Variants in SSBP3 observed in about 807,000 individuals in gnomAD.
SSBP3 encodes single-stranded DNA-binding protein 3.
A neutral mutation model predicts 69.6 loss-of-function variants in SSBP3; 5 were observed. The ratio of observed to expected loss-of-function variants is 0.07; its 90% confidence interval spans 0.04 to 0.15. The LOEUF is 0.15. Ranked by LOEUF, SSBP3 falls within the 10% of genes least tolerant of loss-of-function variation. The pLI is 1.00. For synonymous variants in SSBP3, 196 were observed against 193.4 expected, an observed-to-expected ratio of 1.01 and a Z score of -0.11; for missense variants, 312 against 534.0, an observed-to-expected ratio of 0.58 and a Z score of 4.10.
At chr1:54,251,958 C>T (rs368814856) in intron 7 of SSBP3, 98 bp from the exon 8 acceptor site, 33 of 1,026,488 alleles carry the variant, frequency 3.2e-5, no homozygotes, top group African/African-American at 3.0e-4. Flanking sequence ...CGTGTGATCA[C>T]GTGGAGCCAC....
At chr1:54,342,481 A>G (rs1204824008) in intron 4 of SSBP3, among the ~76,000 whole-genome samples, 1 of 152,152 alleles carries the variant, frequency 6.6e-6, no homozygotes, top group Non-Finnish European at 1.5e-5. Flanking sequence ...GGCTCTCTGC[A>G]AAGTGGGCCT....
chr1:54,400,638 G>GT (rs1342252256), intron 4 of SSBP3, among the ~76,000 whole-genome samples: 1 of 152,136 alleles, frequency 6.6e-6, no homozygotes, highest in Non-Finnish European at 1.5e-5. Flanking sequence ...TTTCCTCAGC[G>GT]TTACATTCCA....
chr1:54,346,679 G>T (rs1438720968), intron 4 of SSBP3, among the ~76,000 whole-genome samples: 1 of 152,038 alleles, frequency 6.6e-6, no homozygotes, highest in African/African-American at 2.4e-5. Context: ...GCCGGGCATG[G>T]TCGTGGGCAC....
chr1:54,302,803 A>T (rs748597472), intron 4 of SSBP3, among the ~76,000 whole-genome samples: 3 of 152,208 alleles, frequency 2.0e-5, no homozygotes, highest in African/African-American at 7.2e-5. Context: ...CTGCTCATTT[A>T]TGACAGGAGG....
chr1:54,385,891 C>A (rs4141420), intron 4 of SSBP3, among the ~76,000 whole-genome samples: 16,229 of 152,158 alleles, frequency 0.11, 1,018 homozygotes, highest in East Asian at 0.28. Context: ...CAAAAGCTCT[C>A]GTTCTCTGCA....
At chr1:54,271,668 C>G (rs1197229995) in intron 5 of SSBP3, among the ~76,000 whole-genome samples, 2 of 152,228 alleles carry the variant, frequency 1.3e-5, no homozygotes, top group African/African-American at 2.4e-5. Context: ...AGACCTGGCA[C>G]TTCATGAAGG....
At chr1:54,293,380 C>T (rs193228600) in intron 4 of SSBP3, among the ~76,000 whole-genome samples, 3 of 152,300 alleles carry the variant, frequency 2.0e-5, no homozygotes, top group African/African-American at 7.2e-5. Flanking sequence ...CTGACCCAAA[C>T]TCAGCTTCTG....
chr1:54,258,600 T>C lies in SSBP3; in HGVS notation c.367-451A>G, dbSNP rs1644964018. 6.6e-6 allele frequency among the ~76,000 whole-genome samples: 1 copy of C among 151,992 alleles called. No homozygotes were observed. The highest frequency in any genetic ancestry group is 2.4e-5 in the African/African-American group (1 of 41,380). On this transcript the variant is annotated intron_variant, in intron 5 of 17. Coordinates refer to ENST00000610401, the Ensembl canonical transcript of SSBP3. The surrounding 1 kb of genome is among the most constrained non-coding windows in gnomAD (Gnocchi z 4.5). The stretch of plus-strand genomic sequence containing the variant: ...GGGAAGGGCCCTGCCCTCAAGGAGC[T>C]CACAGTCTGGGGGACAGTGACACGG...
intron 4 of SSBP3, among the ~76,000 whole-genome samples, chr1:54,395,648 A>G (rs1194784844): frequency 1.3e-5 from 2 of 152,128 alleles, no homozygotes; most frequent in African/African-American, 2.4e-5. Context: ...TAACCCTCAC[A>G]ACCACTATGC....
Position 54,346,713 on chromosome 1 carries a change from G to A in SSBP3, c.276+55148C>T, listed in dbSNP as rs373756435. Among the ~76,000 whole-genome samples the A allele has an allele frequency of 1.1e-3, 162 of 152,026 alleles. 6 individuals are homozygous for A. The South Asian group carries it at 0.028, about 27-fold the overall frequency. On this transcript the variant is annotated intron_variant, in intron 4 of 17. Coordinates refer to ENST00000610401, the Ensembl canonical transcript of SSBP3. ...ACCTGTAGTCCCAGCTACTTGGGAG[G>A]CTGAGGCAGGAGAATGGCGTGAACC...
intron 4 of SSBP3, among the ~76,000 whole-genome samples, chr1:54,369,306 C>T (rs897681474): frequency 6.5e-4 from 11 of 16,910 alleles, no homozygotes; most frequent in Admixed American, 1.2e-3. Flanking sequence ...ATTGGGGGGA[C>T]GGGGGTGGGG....
chr1:54,406,362 T>TGCCGCCGCCGCCGCC (rs3033693), exon 1 of SSBP3: 2 of 153,720 alleles, frequency 1.3e-5, no homozygotes, highest in African/African-American at 2.5e-5. Context: ...CCAGCACCGC[T>TGCCGCCGCCGCCGCC]GCCGCCGCCG....
chr1:54,240,045 GGGGTGT>G (rs750244154), intron 13 of SSBP3, among the ~76,000 whole-genome samples: 1,936 of 65,430 alleles, frequency 0.03, 42 homozygotes, highest in South Asian at 0.057. Context: ...TAATTGTGAT[GGGGTGT>G]GTGTGTGTGT....
intron 3 of SSBP3, 103 bp downstream of exon 3, chr1:54,404,473 G>T: frequency 7.1e-7 from 1 of 1,404,804 alleles, no homozygotes; most frequent in Non-Finnish European, 1.0e-6. Flanking sequence ...AACGCAGAGG[G>T]CCACAGGGCG....
chr1:54,365,016 G>C (rs1435775419), intron 4 of SSBP3, among the ~76,000 whole-genome samples: 1 of 152,188 alleles, frequency 6.6e-6, no homozygotes, highest in Non-Finnish European at 1.5e-5. Flanking sequence ...AATGCAGATG[G>C]AGAGGCCCCA....
At chr1:54,266,051 G>A (rs372283694) in intron 5 of SSBP3, among the ~76,000 whole-genome samples, 7 of 152,348 alleles carry the variant, frequency 4.6e-5, no homozygotes, top group African/African-American at 1.4e-4. Context: ...CATGGCAAAC[G>A]AAAAGTATAG....
At chr1:54,230,540 CAT>C (rs1329635131) in intron 14 of SSBP3, among the ~76,000 whole-genome samples, 1 of 152,146 alleles carries the variant, frequency 6.6e-6, no homozygotes. Flanking sequence ...ATTCACAGAG[CAT>C]ATAACTGACC....
At chr1:54,259,798 A>G (rs1644987810) in intron 5 of SSBP3, among the ~76,000 whole-genome samples, 1 of 152,216 alleles carries the variant, frequency 6.6e-6, no homozygotes, top group Non-Finnish European at 1.5e-5. Context: ...TGGCCAAGCG[A>G]GGAGCTGCTC....
At chr1:54,254,098 TAAG>T (rs954387476) in intron 7 of SSBP3, among the ~76,000 whole-genome samples, 13 of 152,106 alleles carry the variant, frequency 8.5e-5, no homozygotes, top group Non-Finnish European at 1.3e-4. Flanking sequence ...CCCTCAAACT[TAAG>T]GAGGAAAAAC....
Sources: gnomAD v4.1 joint callset for allele counts (sites outside exome capture counted in the v4.1 genomes callset) on GRCh38, gnomAD v4.1.1 for gene constraint, Gnocchi (gnomAD v3.1) non-coding constraint, MANE v1.5 for transcripts, NCBI Gene and HGNC (gene_info 2026-07-23, HGNC 2026-07-21) for gene names.